Variants in GRIA1 observed in about 807,000 individuals in gnomAD.
The protein encoded by GRIA1 is glutamate ionotropic receptor AMPA type subunit 1, also known as glutamate receptor 1.
In GRIA1, 31 loss-of-function variants were observed where a neutral mutation model predicts 99.2. That is an observed-to-expected ratio of 0.31 (90% confidence interval 0.23 to 0.42). The LOEUF (loss-of-function observed/expected upper bound fraction) is 0.42, where lower values mean the gene tolerates loss of function less well. Ranked by LOEUF, GRIA1 falls within the 10% of genes least tolerant of loss-of-function variation. The pLI, the probability that GRIA1 is intolerant of heterozygous loss-of-function variation, is 1.00. For synonymous variants in GRIA1, 438 were observed against 432.4 expected, an observed-to-expected ratio of 1.01 and a Z score of -0.16; for missense variants, 782 against 1,157.5, an observed-to-expected ratio of 0.68 and a Z score of 4.71.
chr5:153,723,812 G>A (rs1305946858), intron 11 of GRIA1, among the ~76,000 whole-genome samples: 1 of 151,984 alleles, frequency 6.6e-6, no homozygotes, highest in Non-Finnish European at 1.5e-5. Context: ...ACCTCTGGGG[G>A]CAGGGCACAG....
At chr5:153,513,216 T>C (rs563696611) in intron 2 of GRIA1, among the ~76,000 whole-genome samples, 1 of 152,246 alleles carries the variant, frequency 6.6e-6, no homozygotes, top group South Asian at 2.1e-4. Flanking sequence ...AACAGAAGCT[T>C]AAGCAGAAGG....
intron 2 of GRIA1, among the ~76,000 whole-genome samples, chr5:153,593,509 C>A (rs186624091): frequency 1.6e-4 from 24 of 152,292 alleles, no homozygotes; most frequent in Admixed American, 1.1e-3. Context: ...TAAATACCTT[C>A]ACAACCAAGC....
chr5:153,495,435 A>C (rs1754317912), intron 2 of GRIA1, among the ~76,000 whole-genome samples: 2 of 152,176 alleles, frequency 1.3e-5, no homozygotes, highest in African/African-American at 4.8e-5. Flanking sequence ...TTGAGACCTG[A>C]AGGTCCATGT....
intron 5 of GRIA1, among the ~76,000 whole-genome samples, chr5:153,660,696 G>T (rs534079334): frequency 7.9e-5 from 12 of 152,078 alleles, no homozygotes; most frequent in Admixed American, 6.6e-4. Context: ...ATTGGCAATC[G>T]CAGTGGCACT....
intron 5 of GRIA1, among the ~76,000 whole-genome samples, chr5:153,671,594 C>T (rs72802666): frequency 5.3e-5 from 8 of 152,274 alleles, no homozygotes; most frequent in Non-Finnish European, 8.8e-5. Flanking sequence ...ACGTTAAACT[C>T]AAAAGGTATT....
At chr5:153,720,979 G>A (rs1420495284) in intron 11 of GRIA1, among the ~76,000 whole-genome samples, 7 of 152,160 alleles carry the variant, frequency 4.6e-5, no homozygotes, top group Non-Finnish European at 8.8e-5. Context: ...TGCCATCCAC[G>A]GGTGATGCAG....
intron 11 of GRIA1, among the ~76,000 whole-genome samples, chr5:153,754,854 G>A (rs1762724705): frequency 6.6e-6 from 1 of 152,170 alleles, no homozygotes; most frequent in South Asian, 2.1e-4. Flanking sequence ...AGATTCCTTT[G>A]CTTTCATGGA....
chr5:153,611,357 G>C (rs78222170), intron 2 of GRIA1, among the ~76,000 whole-genome samples: 208 of 152,304 alleles, frequency 1.4e-3, no homozygotes, highest in African/African-American at 4.7e-3. Flanking sequence ...CTGGTTTACT[G>C]TCCCACCACT....
rs575833710 is a variant in GRIA1 at position 153,560,052 on chromosome 5, G to T, written c.220+65987G>T. On this transcript the variant is annotated intron_variant, in intron 2 of 15. Coordinates refer to ENST00000285900, the MANE Select transcript of GRIA1 (RefSeq NM_000827.4). ...AAAACCAAGGCACAGAGACTTACAT[G>T]CCTTGCCCAAGTTTGCATAGTTTGT... 6.6e-5 allele frequency among the ~76,000 whole-genome samples: 10 copies of T among 152,220 alleles called. No individual in the cohort carries two copies. In the South Asian group the frequency reaches 1.9e-3, roughly 28 times the overall value.
At chr5:153,527,059 G>A (rs1757663665) in intron 2 of GRIA1, among the ~76,000 whole-genome samples, 1 of 152,172 alleles carries the variant, frequency 6.6e-6, no homozygotes, top group Non-Finnish European at 1.5e-5. Context: ...TGTGTAAATA[G>A]TGAATCTGTG....
chr5:153,581,447 T>C (rs796190939), intron 2 of GRIA1, among the ~76,000 whole-genome samples: 24 of 152,278 alleles, frequency 1.6e-4, no homozygotes, highest in African/African-American at 5.5e-4. Context: ...TGGTCTTCAT[T>C]TGTGCTCAAA....
At chr5:153,620,539 A>T (rs1282192226) in intron 2 of GRIA1, among the ~76,000 whole-genome samples, 1 of 152,182 alleles carries the variant, frequency 6.6e-6, no homozygotes, top group Non-Finnish European at 1.5e-5. Flanking sequence ...TGCTTGTTAC[A>T]CATGAGCCTG....
chr5:153,515,517 A>G, intron 2 of GRIA1, among the ~76,000 whole-genome samples: 1 of 152,208 alleles, frequency 6.6e-6, no homozygotes, highest in Non-Finnish European at 1.5e-5. Flanking sequence ...TTTCAGTTAG[A>G]CAGAAGGAAT....
At chr5:153,610,620 G>C (rs1765896699) in intron 2 of GRIA1, among the ~76,000 whole-genome samples, 1 of 152,124 alleles carries the variant, frequency 6.6e-6, no homozygotes, top group Admixed American at 6.5e-5. Context: ...CCAGAGTCAA[G>C]ATGCCTAGAT....
chr5:153,642,527 G>C lies in GRIA1; in HGVS notation c.221-4401G>C, dbSNP rs150562176. On this transcript the variant is annotated intron_variant, in intron 2 of 15. Coordinates refer to ENST00000285900, the MANE Select transcript of GRIA1 (RefSeq NM_000827.4). ...GGATCGCTTGAGACCAGCAGTTCAAGACCAGCTTGCGCAACATAATGAGAT... is the reference window on the plus strand; with the variant it reads ...GGATCGCTTGAGACCAGCAGTTCAACACCAGCTTGCGCAACATAATGAGAT... Among the ~76,000 whole-genome samples, 772 of 151,898 alleles carry C rather than the reference G, an allele frequency of 5.1e-3. 9 individuals carry two copies. Among genetic ancestry groups the C allele is most frequent in the African/African-American group, 0.017 (708 of 41,418 alleles).
At chr5:153,683,424 C>T (rs1011605422) in intron 7 of GRIA1, among the ~76,000 whole-genome samples, 18 of 152,204 alleles carry the variant, frequency 1.2e-4, no homozygotes, top group Non-Finnish European at 1.8e-4. Context: ...TGGAGTCAAG[C>T]GCCATCAGCT....
At chr5:153,621,874 T>G (rs1767081943) in intron 2 of GRIA1, among the ~76,000 whole-genome samples, 1 of 152,158 alleles carries the variant, frequency 6.6e-6, no homozygotes, top group African/African-American at 2.4e-5. Flanking sequence ...TTTCATTCCT[T>G]CAGCAAGGTC....
chr5:153,614,673 CAATT>C (rs1438115294), intron 2 of GRIA1, among the ~76,000 whole-genome samples: 1 of 152,188 alleles, frequency 6.6e-6, no homozygotes, highest in Non-Finnish European at 1.5e-5. Context: ...ATACCTTAAT[CAATT>C]AGTAGCAAAA....
At chr5:153,671,356 A>G (rs994316008) in intron 5 of GRIA1, among the ~76,000 whole-genome samples, 5 of 152,224 alleles carry the variant, frequency 3.3e-5, no homozygotes, top group African/African-American at 1.2e-4. Flanking sequence ...CCCAGTAGTT[A>G]CTTTATGAAC....
Sources: gnomAD v4.1 joint callset for allele counts (sites outside exome capture counted in the v4.1 genomes callset) on GRCh38, gnomAD v4.1.1 for gene constraint, MANE v1.5 for transcripts, NCBI Gene and HGNC (gene_info 2026-07-23, HGNC 2026-07-21) for gene names.